Variants in ADGRD1 observed in about 807,000 individuals in gnomAD.
ADGRD1 encodes the protein G-protein coupled receptor 133.
A neutral mutation model predicts 113.4 loss-of-function variants in ADGRD1; 77 were observed. The ratio of observed to expected loss-of-function variants is 0.68; its 90% CI spans 0.57 to 0.82. The LOEUF is 0.82. Among genes scored for constraint, ADGRD1 ranks in the 40% least tolerant of loss-of-function variants. The pLI is 0.00. For synonymous variants in ADGRD1, 474 were observed against 475.0 expected (o/e 1.00, Z 0.03); for missense variants, 1,036 against 1,139.1 (o/e 0.91, Z 1.30).
At position 131,138,198 on chromosome 12, in the gene ADGRD1, C is replaced by T. The variant is rs768279493; in HGVS notation, c.2498C>T (p.Thr833Ile). The change falls in exon 24 of 25, where the codon ACC (threonine) becomes ATC (isoleucine). Residue 833 changes from threonine to isoleucine, a missense_variant. Physicochemically the swap from Thr to Ile is moderately conservative, Grantham distance 89. Transcript: ENST00000261654. ...TCGCTCACGAGCAGCTCTGCCCGCA[C>T]CTCCAACGCGAAGCCCTTCCACTCG... ...VWSLTSSSARTSNAKPFHSDL... is the reference protein window; with the variant it reads ...VWSLTSSSARISNAKPFHSDL... The T allele has an allele frequency of 6.2e-6, 10 of 1,613,576 alleles. No homozygotes were observed. The East Asian group carries it at 8.9e-5, about 14-fold the overall frequency.
chr12:131,037,384 T>A (rs1468353377), intron 13 of ADGRD1, among the ~76,000 whole-genome samples: 1 of 64,164 alleles, frequency 1.6e-5, no homozygotes, highest in Non-Finnish European at 3.2e-5. Flanking sequence ...TGCACTGGGG[T>A]CTCACTCACT....
Position 131,134,582 on chromosome 12 carries a change from T to C in ADGRD1, c.2268-1455T>C, listed in dbSNP as rs546682534. Among the ~76,000 whole-genome samples, 7 of 152,384 alleles carry C rather than the reference T, an allele frequency of 4.6e-5. No individual in the cohort carries two copies. The East Asian group carries it at 9.6e-4, about 21-fold the overall frequency. The stretch of plus-strand genomic sequence containing the variant: ...CCAGAAACAGGTGTTTTATTTTTAT[T>C]GCATTAGCATTATGAGAACAAGCTG... On this transcript the variant is annotated intron_variant, in intron 21 of 24. Transcript: ENST00000261654.
intron 20 of ADGRD1, among the ~76,000 whole-genome samples, chr12:131,121,573 T>A (rs1950594425): frequency 6.6e-6 from 1 of 152,034 alleles, no homozygotes. Context: ...AGAGACGGGG[T>A]TTCACCGTGT....
In ADGRD1 at chr12:131,075,857, T is replaced by C. The variant is rs1301813111; in HGVS notation, c.1474-944T>C. Among the ~76,000 whole-genome samples the C allele has an allele frequency of 6.6e-6, 1 of 152,144 alleles. No individual in the cohort carries two copies. Among genetic ancestry groups the C allele is most frequent in the Non-Finnish European group, 1.5e-5 (1 of 68,038 alleles). ...CATTGGAGCAATGATGGCTCAGGAA[T>C]GGGTCACAGAACAGAGCAGGCATCG... On this transcript the variant is annotated intron_variant, in intron 13 of 24. Coordinates refer to ENST00000261654, the MANE Select transcript of ADGRD1 (RefSeq NM_198827.5). This position sits in a 1 kb window ranked among gnomAD's most constrained non-coding sequence, Gnocchi z 5.3.
intron 15 of ADGRD1, among the ~76,000 whole-genome samples, chr12:131,095,381 T>G (rs1414016162): frequency 6.6e-6 from 1 of 152,212 alleles, no homozygotes; most frequent in Non-Finnish European, 1.5e-5. Flanking sequence ...CTGCTCCTTT[T>G]AGAGGAGAAG....
At chr12:131,117,210 C>T (rs561101007) in intron 18 of ADGRD1, among the ~76,000 whole-genome samples, 10 of 152,290 alleles carry the variant, frequency 6.6e-5, no homozygotes, top group East Asian at 1.9e-4. Flanking sequence ...CTACCTCATT[C>T]GTGGGCCTCC....
At chr12:131,006,706 TGAG>T (rs2136759168) in intron 12 of ADGRD1, among the ~76,000 whole-genome samples, 1 of 115,440 alleles carries the variant, frequency 8.7e-6, no homozygotes, top group South Asian at 2.8e-4. Flanking sequence ...ATGAGGGAAA[TGAG>T]GAGGGAGGGG....
chr12:130,960,797 A>G (rs1870260722), intron 2 of ADGRD1, among the ~76,000 whole-genome samples: 1 of 152,184 alleles, frequency 6.6e-6, no homozygotes, highest in African/African-American at 2.4e-5. Flanking sequence ...AAAAAATCCC[A>G]AACAATAGTA....
intron 8 of ADGRD1, among the ~76,000 whole-genome samples, chr12:130,997,652 C>T (rs549258777): frequency 1.7e-4 from 25 of 151,178 alleles, no homozygotes; most frequent in African/African-American, 3.7e-4. Context: ...GGATGGCGGC[C>T]GGGAAGAGGC....
rs536327410 is a variant in ADGRD1, at chr12:131,089,134, C to T, written c.1671+4471C>T. ...TTACCAAATCTGAGGATGGATAGTC[C>T]GGCCCCACATGTGTGCTCGTTGGCA... On this transcript the variant is annotated intron_variant, in intron 15 of 24. Coordinates refer to ENST00000261654, the MANE Select transcript of ADGRD1 (RefSeq NM_198827.5). Among the ~76,000 whole-genome samples, 114 of 152,312 alleles carry T rather than the reference C, an allele frequency of 7.5e-4. 1 individual carries two copies. Among genetic ancestry groups the T allele is most frequent in the African/African-American group, 2.5e-3 (105 of 41,568 alleles).
In ADGRD1 at chr12:130,966,598, T is replaced by A. The variant is rs762049716; in HGVS notation, c.187+52T>A. The A allele has an allele frequency of 3.2e-5, 35 of 1,110,312 alleles. No individual in the cohort carries two copies. The highest frequency in any genetic ancestry group is 4.7e-5 in the Non-Finnish European group (34 of 721,048). The allele number at this position is 1,110,312 out of a possible 1,614,324, so 68.8% of individuals were successfully genotyped here. The stretch of plus-strand genomic sequence containing the variant: ...TGTGGGCGCGGGAATCCCAGGGCCA[T>A]CAGGAGGCGTGGGTGCTGAGAGTGG... On this transcript the variant is annotated intron_variant, in intron 3 of 24. Transcript: ENST00000261654. This position sits in a 1 kb window ranked among gnomAD's most constrained non-coding sequence, Gnocchi z 4.6.
intron 6 of ADGRD1, 157 bp downstream of exon 6, chr12:130,987,506 C>CCCTTATAA: frequency 1.4e-6 from 1 of 706,630 alleles, no homozygotes; most frequent in South Asian, 1.9e-5. Flanking sequence ...TGTGTTAGAA[C>CCCTTATAA]ACCTGTTCCC....
At chr12:130,986,770 G>A (rs1873741392) in intron 5 of ADGRD1, 1 of 312,090 alleles carries the variant, frequency 3.2e-6, no homozygotes, top group Non-Finnish European at 6.0e-6. Context: ...CTGATTGGTT[G>A]GCACTTGTGC....
intron 20 of ADGRD1, among the ~76,000 whole-genome samples, chr12:131,122,747 G>A (rs1005006936): frequency 2.6e-5 from 4 of 152,174 alleles, no homozygotes; most frequent in Non-Finnish European, 4.4e-5. Context: ...ACAGGCCCCT[G>A]TGTCAGACAC....
rs530583887 is a variant in ADGRD1, at chr12:130,987,170, G to C, written c.566G>C (p.Ser189Thr). Residue 189 changes from serine (S) to threonine (T), a missense_variant, in exon 6 of 25, where the codon AGC becomes ACC. By Grantham distance (58) the Ser-to-Thr change is moderately conservative. Coordinates refer to ENST00000261654, the MANE Select transcript of ADGRD1 (RefSeq NM_198827.5). ...GLKVYVNGTL[S>T]TSDPSGKVSR... is the part of the protein sequence containing the mutation. The stretch of plus-strand genomic sequence containing the variant: ...AAAGTCTACGTCAACGGGACCCTGA[G>C]CACCTCTGATCCGAGTGGAAAAGTG... 2 of 1,614,138 alleles carry C rather than the reference G, an allele frequency of 1.2e-6. No individual in the cohort carries two copies. The highest frequency in any genetic ancestry group is 2.2e-5 in the South Asian group (2 of 91,080).
intron 21 of ADGRD1, among the ~76,000 whole-genome samples, chr12:131,134,264 TAGATC>T (rs1326819996): frequency 3.3e-5 from 5 of 152,142 alleles, no homozygotes; most frequent in African/African-American, 1.2e-4. Flanking sequence ...AAGGGGGTCA[TAGATC>T]AGAGAGGAAA....
At chr12:131,026,153 A>G (rs1262898998) in intron 13 of ADGRD1, 1 of 152,208 alleles carries the variant, frequency 6.6e-6, no homozygotes, top group African/African-American at 2.4e-5. Flanking sequence ...CCTGCACTCT[A>G]CAGACAAACG....
At chr12:131,079,733 T>G (rs1331774186) in intron 14 of ADGRD1, among the ~76,000 whole-genome samples, 1 of 152,190 alleles carries the variant, frequency 6.6e-6, no homozygotes, top group African/African-American at 2.4e-5. Context: ...ATTCATCAAT[T>G]TCATCAAAGT....
At chr12:131,128,295 T>C (rs995203306) in intron 20 of ADGRD1, among the ~76,000 whole-genome samples, 1 of 151,020 alleles carries the variant, frequency 6.6e-6, no homozygotes, top group African/African-American at 2.4e-5. Flanking sequence ...TGAGCTCAGG[T>C]GGGGTGTTGG....
Sources: gnomAD v4.1 joint callset for allele counts (sites outside exome capture counted in the v4.1 genomes callset) on GRCh38, gnomAD v4.1.1 for gene constraint, Gnocchi (gnomAD v3.1) non-coding constraint, MANE v1.5 for transcripts, NCBI Gene and HGNC (gene_info 2026-07-23, HGNC 2026-07-21) for gene names.